DNAH3: variants seen among roughly 807,000 people sequenced by gnomAD.
The protein encoded by DNAH3 is dynein axonemal heavy chain 3.
Under a neutral mutation model 432.5 loss-of-function variants are expected in DNAH3, and 332 were observed. The ratio of observed to expected loss-of-function variants is 0.77; its 90% confidence interval spans 0.70 to 0.84. DNAH3 has a LOEUF of 0.84. Ranked by LOEUF, DNAH3 falls within the 40% of genes least tolerant of loss-of-function variation. DNAH3 has a pLI of 0.00. For missense variants in DNAH3, 4,861 were observed against 5,114.0 expected, an observed-to-expected ratio of 0.95 and a Z score of 1.51; for synonymous variants, 1,956 against 1,900.2, an observed-to-expected ratio of 1.03 and a Z score of -0.76.
chr16:21,007,360 G>A (rs1323911502), intron 41 of DNAH3, among the ~76,000 whole-genome samples: 4 of 151,708 alleles, frequency 2.6e-5, no homozygotes, highest in Non-Finnish European at 2.9e-5. Context: ...AGGCAGGCAC[G>A]CACCATCATG....
intron 10 of DNAH3, among the ~76,000 whole-genome samples, 162 bp downstream of exon 11, chr16:21,121,783 A>C (rs929577124): frequency 6.6e-6 from 1 of 152,000 alleles, no homozygotes; most frequent in Non-Finnish European, 1.5e-5. Context: ...TTATGGTCTA[A>C]ATCATTTGTC....
At chr16:21,100,001 C>T (rs2091794107) in intron 16 of DNAH3, among the ~76,000 whole-genome samples, 1 of 152,106 alleles carries the variant, frequency 6.6e-6, no homozygotes. Context: ...ATTTGGTTAT[C>T]CTAAGAATGC....
At chr16:21,127,343 G>A (rs531817951) in intron 8 of DNAH3, among the ~76,000 whole-genome samples, 1 of 151,482 alleles carries the variant, frequency 6.6e-6, no homozygotes, top group East Asian at 2.0e-4. Flanking sequence ...ACAAGGTCAG[G>A]AGATTGAGAC....
chr16:20,940,644 C>T (rs2083771187), intron 59 of DNAH3, among the ~76,000 whole-genome samples: 1 of 150,876 alleles, frequency 6.6e-6, no homozygotes, highest in Admixed American at 6.6e-5. Flanking sequence ...GTTGCCCAGG[C>T]TGGTCTTGGA....
At chr16:21,054,216 C>T (rs1334207378) in intron 28 of DNAH3, among the ~76,000 whole-genome samples, 1 of 152,146 alleles carries the variant, frequency 6.6e-6, no homozygotes, top group Non-Finnish European at 1.5e-5. Flanking sequence ...TGGAGGGTCC[C>T]TGGAAATCAG....
chr16:21,145,529 C>A, intron 2 of DNAH3, 123 bp from the exon 4 acceptor site: 1 of 771,722 alleles, frequency 1.3e-6, no homozygotes, highest in East Asian at 2.7e-5. Context: ...GCCTTCTGCA[C>A]ATTCAGTGGA....
At chr16:21,132,821 A>T (rs1425056066) in intron 7 of DNAH3, among the ~76,000 whole-genome samples, 1 of 152,210 alleles carries the variant, frequency 6.6e-6, no homozygotes, top group Non-Finnish European at 1.5e-5. Context: ...GGTAAGGATT[A>T]AACAAACTTG....
At chr16:21,155,384 A>G (rs1412303969) in intron 1 of DNAH3, among the ~76,000 whole-genome samples, 1 of 151,962 alleles carries the variant, frequency 6.6e-6, no homozygotes, top group East Asian at 1.9e-4. Flanking sequence ...AACACTTTGG[A>G]AGGCCGAGGC....
Position 21,048,704 on chromosome 16 carries a change from C to CTT in DNAH3, c.4461+863_4461+864dup, listed in dbSNP as rs765614532. 2.2e-3 allele frequency among the ~76,000 whole-genome samples: 323 copies of CTT among 144,084 alleles called. 2 individuals are homozygous for CTT. Among genetic ancestry groups the CTT allele is most frequent in the African/African-American group, 7.2e-3 (283 of 39,532 alleles). The allele number at this position is 144,084 out of a possible 152,430, so 94.5% of individuals were successfully genotyped here. On this transcript the variant is annotated intron_variant, in intron 31 of 61. Coordinates refer to ENST00000261383, the Ensembl canonical transcript of DNAH3. ...ATTCGGCCATCTTGGCTCCTCCCTC[C>CTT]TTTTTTTTTTTTTTAAACAGAGTTT...
chr16:21,060,136 G>A, intron 26 of DNAH3, 128 bp downstream of exon 26: 1 of 710,890 alleles, frequency 1.4e-6, no homozygotes, highest in East Asian at 2.5e-5. Context: ...GAAGGAAAGA[G>A]AGGTGCAGAG....
At chr16:21,062,354 G>A (rs1024763497) in intron 25 of DNAH3, 128 bp downstream of exon 25, 13 of 714,190 alleles carry the variant, frequency 1.8e-5, no homozygotes, top group East Asian at 7.9e-5. Context: ...ATCTTCAGTC[G>A]TTACATCGTA....
chr16:21,087,624 A>C (rs1370849317), intron 18 of DNAH3, among the ~76,000 whole-genome samples: 1 of 152,210 alleles, frequency 6.6e-6, no homozygotes, highest in Admixed American at 6.5e-5. Context: ...TGAAATATTA[A>C]CCATCGGGGA....
At chr16:21,125,205 C>G (rs2092422551) in exon 9 of DNAH3, 1 of 1,610,768 alleles carries the variant, frequency 6.2e-7, no homozygotes, top group African/African-American at 1.3e-5. Flanking sequence ...AAACGAGGTC[C>G]TCAAGTGACT....
intron 41 of DNAH3, among the ~76,000 whole-genome samples, chr16:21,008,701 T>C (rs961553614): frequency 1.3e-5 from 2 of 152,138 alleles, no homozygotes; most frequent in African/African-American, 2.4e-5. Flanking sequence ...CCGTTGGTGA[T>C]TTCCAGCGAG....
chr16:21,063,479 TTTTTATTTTA>T (rs890194467), intron 24 of DNAH3, among the ~76,000 whole-genome samples: 1 of 149,950 alleles, frequency 6.7e-6, no homozygotes, highest in African/African-American at 2.4e-5. Context: ...TTTATTTATT[TTTTTATTTTA>T]TTTTATTTTA....
intron 52 of DNAH3, 62 bp downstream of exon 52, chr16:20,969,730 G>T: frequency 6.4e-7 from 1 of 1,552,494 alleles, no homozygotes; most frequent in Non-Finnish European, 8.9e-7. Context: ...TGCAGTGGGT[G>T]CTGGCACCCC....
At chr16:20,978,347 G>A (rs2085693003) in intron 50 of DNAH3, among the ~76,000 whole-genome samples, 1 of 152,114 alleles carries the variant, frequency 6.6e-6, no homozygotes, top group South Asian at 2.1e-4. Flanking sequence ...TGGCCAACAT[G>A]GCAAAACCCC....
intron 55 of DNAH3, among the ~76,000 whole-genome samples, chr16:20,953,821 T>C (rs893184208): frequency 1.3e-5 from 2 of 151,822 alleles, no homozygotes; most frequent in Non-Finnish European, 1.5e-5. Flanking sequence ...CTTGGCTCAC[T>C]GCAGCCTCCA....
At chr16:20,950,379 G>A (rs937750568) in intron 56 of DNAH3, among the ~76,000 whole-genome samples, 1 of 152,192 alleles carries the variant, frequency 6.6e-6, no homozygotes, top group Non-Finnish European at 1.5e-5. Flanking sequence ...ATCGTAGACT[G>A]TTCAGTAGCA....
Sources: gnomAD v4.1 joint callset for allele counts (sites outside exome capture counted in the v4.1 genomes callset) on GRCh38, gnomAD v4.1.1 for gene constraint, MANE v1.5 for transcripts, NCBI Gene and HGNC (gene_info 2026-07-23, HGNC 2026-07-21) for gene names.